TMEM161B: variants seen among roughly 807,000 people sequenced by gnomAD.
TMEM161B encodes transmembrane protein 161B.
A neutral mutation model predicts 61.8 loss-of-function variants in TMEM161B; 34 were observed. The ratio of observed to expected loss-of-function variants is 0.55; its 90% CI spans 0.42 to 0.73. TMEM161B has a LOEUF of 0.73. Among genes scored for constraint, TMEM161B ranks in the 30% least tolerant of loss-of-function variants. TMEM161B has a pLI of 0.00. For missense variants in TMEM161B, 456 were observed against 558.5 expected (o/e 0.82, Z 1.85); for synonymous variants, 167 against 192.8 (o/e 0.87, Z 1.11).
At chr5:88,268,654 C>G in intron 1 of TMEM161B, 67 bp downstream of exon 1, 1 of 1,610,502 alleles carries the variant, frequency 6.2e-7, no homozygotes, top group Non-Finnish European at 8.5e-7. Context: ...TGGCTCTTTT[C>G]ACAGTACTGA....
At chr5:88,209,971 T>C (rs542118220) in intron 5 of TMEM161B, among the ~76,000 whole-genome samples, 14 of 152,336 alleles carry the variant, frequency 9.2e-5, no homozygotes, top group Non-Finnish European at 1.3e-4. Context: ...TTTGAACTTA[T>C]TGTATCACTT....
intron 1 of TMEM161B, among the ~76,000 whole-genome samples, chr5:88,264,451 G>T (rs541975325): frequency 6.6e-6 from 1 of 152,322 alleles, no homozygotes; most frequent in East Asian, 1.9e-4. Context: ...TGGCGAGGCT[G>T]TGGAGAAATA....
At chr5:88,186,436 T>C (rs1157174875), downstream of TMEM161B, among the ~76,000 whole-genome samples, 6 of 152,186 alleles carry the variant, frequency 3.9e-5, no homozygotes, top group Non-Finnish European at 8.8e-5. Flanking sequence ...CACTTTTTCA[T>C]GTGCTTAATG....
chr5:88,265,578 A>G (rs1756274484), intron 1 of TMEM161B, among the ~76,000 whole-genome samples: 1 of 152,162 alleles, frequency 6.6e-6, no homozygotes, highest in Admixed American at 6.5e-5. Flanking sequence ...CAGGCCATGG[A>G]CCAGTACAAG....
chr5:88,204,944 A>T (rs1430712240), intron 8 of TMEM161B, among the ~76,000 whole-genome samples: 1 of 152,170 alleles, frequency 6.6e-6, no homozygotes, highest in East Asian at 1.9e-4. Context: ...CATTAAAAAT[A>T]GGTTTTAAAG....
rs1744888291 is a variant in TMEM161B at position 88,203,781 on chromosome 5, AT to A, written c.801-707del. 4.5e-3 allele frequency among the ~76,000 whole-genome samples: 68 copies of A among 15,148 alleles called. 3 individuals are homozygous for A. The highest frequency in any genetic ancestry group is 8.0e-3 in the Non-Finnish European group (34 of 4,256). 9.9% of individuals were successfully genotyped at this position (15,148 alleles called of 152,430 possible). On this transcript the variant is annotated intron_variant, in intron 8 of 11. Transcript: ENST00000296595. ...TATATATATATATATATATATATAT[AT>A]ATATATATATATATATATATATATA...
intron 1 of TMEM161B, among the ~76,000 whole-genome samples, chr5:88,249,981 G>A (rs1754117248): frequency 6.6e-6 from 1 of 152,104 alleles, no homozygotes; most frequent in African/African-American, 2.4e-5. Context: ...GGGCCAGCTG[G>A]ACCAGCAGGC....
At chr5:88,243,275 G>T (rs379430) in intron 1 of TMEM161B, among the ~76,000 whole-genome samples, 108,124 of 151,410 alleles carry the variant, frequency 0.71, 38,699 homozygotes, top group South Asian at 0.77. Flanking sequence ...AGTGTATGTT[G>T]TTCCCTTCTT....
chr5:88,199,102 C>A lies in TMEM161B; in HGVS notation c.963G>T (p.Leu321=), dbSNP rs776615655. The A allele has an allele frequency of 6.2e-7, 1 of 1,612,836 alleles. No individual in the cohort carries two copies. The highest frequency in any genetic ancestry group is 1.3e-5 in the African/African-American group (1 of 74,950). ...FDTLRLWLII[L]LCALRLAMMR... ...TCATGGCCAACCGCAAAGCACACAG[C>A]AGGATTATTAACCAGAGTCGCAGAG... The change falls in exon 10 of 12, where the codon CTG becomes CTT. Residue 321 remains leucine, a synonymous_variant. Transcript: ENST00000296595.
At chr5:88,215,882 T>C (rs1747734548) in intron 5 of TMEM161B, among the ~76,000 whole-genome samples, 1 of 152,174 alleles carries the variant, frequency 6.6e-6, no homozygotes. Flanking sequence ...CTCAATCACA[T>C]TAAAATAAAA....
chr5:88,257,781 C>T (rs1313909046), intron 1 of TMEM161B, among the ~76,000 whole-genome samples: 1 of 152,072 alleles, frequency 6.6e-6, no homozygotes, highest in East Asian at 1.9e-4. Context: ...ATTTATAAGA[C>T]CTGAAAGGAA....
chr5:88,204,511 T>A (rs770970896), intron 8 of TMEM161B, among the ~76,000 whole-genome samples: 5 of 152,168 alleles, frequency 3.3e-5, no homozygotes, highest in African/African-American at 7.2e-5. Context: ...GTATTAGGTA[T>A]GCAGTGTTGC....
Position 88,240,925 on chromosome 5 carries a change from A to G in TMEM161B, c.4-9T>C. 1 of 1,526,026 alleles carries G rather than the reference A, an allele frequency of 6.6e-7. No individual in the cohort carries two copies. Among genetic ancestry groups the G allele is most frequent in the Non-Finnish European group, 8.8e-7 (1 of 1,132,460 alleles). The allele number at this position is 1,526,026 out of a possible 1,614,324, so 94.5% of individuals were successfully genotyped here. On this transcript the variant is annotated splice_polypyrimidine_tract_variant and intron_variant, in intron 1 of 11. Transcript: ENST00000296595. ...TGTATACCTATCACACCCTGTGTAA[A>G]AAAAACAAACAAATTTAATAATGAA...
intron 2 of TMEM161B, among the ~76,000 whole-genome samples, chr5:88,235,752 GT>G (rs1312357435): frequency 6.6e-6 from 1 of 152,198 alleles, no homozygotes; most frequent in Non-Finnish European, 1.5e-5. Flanking sequence ...ACTAATGACA[GT>G]TTTAGTCTCC....
rs531201439 is a variant in TMEM161B, at chr5:88,227,544, A to G, written c.191+901T>C. On this transcript the variant is annotated intron_variant, in intron 3 of 11. Transcript: ENST00000296595. ...TTAATAGTCCAATGAGCTTCCAGGT[A>G]TATTTGTAATGATAAGTGAAAAAGG... 2.0e-5 allele frequency among the ~76,000 whole-genome samples: 3 copies of G among 152,350 alleles called. No homozygotes were observed. In the South Asian group the frequency reaches 6.2e-4, roughly 32 times the overall value.
chr5:88,216,072 G>C (rs909449087), intron 5 of TMEM161B, among the ~76,000 whole-genome samples: 1 of 152,116 alleles, frequency 6.6e-6, no homozygotes, highest in African/African-American at 2.4e-5. Flanking sequence ...AGCCTGGACA[G>C]CATAGTGAGA....
downstream of TMEM161B, chr5:88,190,087 C>T (rs1443584392): frequency 2.9e-6 from 2 of 700,750 alleles, no homozygotes; most frequent in Non-Finnish European, 5.2e-6. Flanking sequence ...CAAGCTTTCT[C>T]AGTTCGTGTT....
downstream of TMEM161B, among the ~76,000 whole-genome samples, chr5:88,192,004 A>ATG (rs1748976532): frequency 2.2e-5 from 2 of 92,762 alleles, no homozygotes; most frequent in African/African-American, 9.2e-5. Flanking sequence ...ATATATATAT[A>ATG]TATATATATA....
At chr5:88,200,029 T>C (rs1345616854) in intron 9 of TMEM161B, 3 of 151,488 alleles carry the variant, frequency 2.0e-5, no homozygotes, top group Non-Finnish European at 2.9e-5. Context: ...CTCAGAAGGG[T>C]CTCCCTGAAA....
Sources: allele counts gnomAD v4.1 joint callset (sites outside exome capture counted in the v4.1 genomes callset), GRCh38; gene constraint gnomAD v4.1.1; transcripts MANE v1.5; gene names NCBI Gene and HGNC (gene_info 2026-07-23, HGNC 2026-07-21).